PTPRN2: variants seen among roughly 807,000 people sequenced by gnomAD.
PTPRN2 encodes the protein receptor-type tyrosine-protein phosphatase N2.
Under a neutral mutation model 118.8 loss-of-function variants are expected in PTPRN2, and 74 were observed. That is an observed-to-expected ratio of 0.62 (90% CI 0.52 to 0.76). The LOEUF is 0.76. Among genes scored for constraint, PTPRN2 ranks in the 30% least tolerant of loss-of-function variants. The pLI is 0.00. For missense variants in PTPRN2, 1,481 were observed against 1,394.4 expected (o/e 1.06, Z -0.99); for synonymous variants, 641 against 608.0 (o/e 1.05, Z -0.80).
At chr7:158,149,398 C>G (rs992943718) in intron 6 of PTPRN2, among the ~76,000 whole-genome samples, 1 of 151,336 alleles carries the variant, frequency 6.6e-6, no homozygotes, top group Non-Finnish European at 1.5e-5. Context: ...AGTATAAACT[C>G]TTAAAACATA....
chr7:158,501,046 C>T (rs980188358), intron 1 of PTPRN2, among the ~76,000 whole-genome samples: 2 of 152,218 alleles, frequency 1.3e-5, no homozygotes, highest in Non-Finnish European at 2.9e-5. Context: ...GTGTGAGGCT[C>T]GGAGCACTCA....
At chr7:158,255,409 T>G (rs1244314338) in intron 3 of PTPRN2, among the ~76,000 whole-genome samples, 1 of 152,084 alleles carries the variant, frequency 6.6e-6, no homozygotes, top group Non-Finnish European at 1.5e-5. Flanking sequence ...TGCCTTCCTG[T>G]GGGGAACAAG....
intron 12 of PTPRN2, among the ~76,000 whole-genome samples, chr7:157,895,434 G>C (rs1258330543): frequency 6.6e-6 from 1 of 151,670 alleles, no homozygotes; most frequent in Non-Finnish European, 1.5e-5. Flanking sequence ...TAAGCCAGAG[G>C]ATCTGGACGA....
chr7:158,409,375 GACCT>G (rs1466913874), intron 2 of PTPRN2, among the ~76,000 whole-genome samples: 1 of 152,106 alleles, frequency 6.6e-6, no homozygotes, highest in African/African-American at 2.4e-5. Context: ...CTTAGGAGAG[GACCT>G]ACCCAGGCAT....
intron 3 of PTPRN2, among the ~76,000 whole-genome samples, chr7:158,294,507 C>T (rs1800329686): frequency 6.6e-6 from 1 of 152,200 alleles, no homozygotes; most frequent in South Asian, 2.1e-4. Context: ...TTTCTTCCAT[C>T]TACTCATTTG....
intron 3 of PTPRN2, among the ~76,000 whole-genome samples, chr7:158,315,467 T>A (rs2123500): frequency 1.6e-4 from 20 of 123,970 alleles, no homozygotes; most frequent in African/African-American, 5.8e-4. Flanking sequence ...AACCCAGGAC[T>A]CCCTGAAGGA....
chr7:157,901,774 G>A (rs1797460150), intron 11 of PTPRN2, among the ~76,000 whole-genome samples: 2 of 80,448 alleles, frequency 2.5e-5, no homozygotes, highest in South Asian at 6.9e-4. Context: ...GTCCTGAGGC[G>A]GGGCCTTCCC....
chr7:157,842,841 A>C (rs1041297818), intron 12 of PTPRN2, among the ~76,000 whole-genome samples: 11 of 152,332 alleles, frequency 7.2e-5, no homozygotes, highest in African/African-American at 2.6e-4. Flanking sequence ...CTTTCTAACT[A>C]TTCTTGGGAA....
chr7:158,010,377 G>C (rs1425683895), intron 11 of PTPRN2, among the ~76,000 whole-genome samples: 1 of 152,184 alleles, frequency 6.6e-6, no homozygotes, highest in East Asian at 1.9e-4. Flanking sequence ...TTAAAAGTGT[G>C]TTAACAGCAT....
At chr7:157,660,786 G>A (rs1016354179) in intron 13 of PTPRN2, among the ~76,000 whole-genome samples, 5 of 152,130 alleles carry the variant, frequency 3.3e-5, no homozygotes, top group African/African-American at 4.8e-5. Context: ...ACAGAGTCTC[G>A]CTCTGTCGCC....
intron 1 of PTPRN2, among the ~76,000 whole-genome samples, chr7:158,506,435 T>G (rs1822751956): frequency 6.6e-6 from 1 of 152,140 alleles, no homozygotes; most frequent in South Asian, 2.1e-4. Context: ...TGGTGGCAAT[T>G]GTGCAGAGCA....
intron 12 of PTPRN2, among the ~76,000 whole-genome samples, chr7:157,783,003 G>T (rs796124352): frequency 5.9e-5 from 9 of 152,290 alleles, no homozygotes; most frequent in African/African-American, 2.2e-4. Context: ...TGCATCACAG[G>T]GGTGGATACC....
intron 12 of PTPRN2, among the ~76,000 whole-genome samples, chr7:157,878,380 A>T: frequency 1.1e-5 from 1 of 87,896 alleles, no homozygotes; most frequent in South Asian, 3.8e-4. Flanking sequence ...ACTCACCGAG[A>T]AGCTCTCGGA....
chr7:158,521,219 G>A (rs1167774437), intron 1 of PTPRN2, among the ~76,000 whole-genome samples: 8 of 151,906 alleles, frequency 5.3e-5, no homozygotes, highest in East Asian at 1.9e-4. Flanking sequence ...TCTGTTGGTC[G>A]ACTCAGGCAG....
chr7:158,214,981 T>C (rs10246937), intron 3 of PTPRN2, among the ~76,000 whole-genome samples: 39,815 of 151,978 alleles, frequency 0.26, 6,036 homozygotes, highest in African/African-American at 0.41. Context: ...TAACTGGTTA[T>C]ACAAAGAACA....
At chr7:158,114,709 G>A (rs762858113) in intron 9 of PTPRN2, among the ~76,000 whole-genome samples, 2 of 152,156 alleles carry the variant, frequency 1.3e-5, no homozygotes, top group Non-Finnish European at 2.9e-5. Context: ...CACCGGCCAC[G>A]GCCCTGGGGC....
intron 2 of PTPRN2, among the ~76,000 whole-genome samples, chr7:158,431,687 G>C (rs1816202308): frequency 1.4e-5 from 2 of 146,960 alleles, no homozygotes; most frequent in African/African-American, 5.1e-5. Flanking sequence ...GCACATACTG[G>C]CCACACACTG....
intron 2 of PTPRN2, among the ~76,000 whole-genome samples, chr7:158,403,063 G>T (rs544757518): frequency 6.6e-6 from 1 of 152,168 alleles, no homozygotes; most frequent in Non-Finnish European, 1.5e-5. Context: ...TTCCCAGGGG[G>T]TTCATTCTCG....
intron 2 of PTPRN2, among the ~76,000 whole-genome samples, chr7:158,448,422 T>A (rs961963517): frequency 1.3e-5 from 2 of 151,638 alleles, no homozygotes; most frequent in Non-Finnish European, 2.9e-5. Context: ...GTTTCCACAC[T>A]GCTTTCATCA....
Sources: allele counts gnomAD v4.1 joint callset (sites outside exome capture counted in the v4.1 genomes callset), GRCh38; gene constraint gnomAD v4.1.1; transcripts MANE v1.5; gene names NCBI Gene and HGNC (gene_info 2026-07-23, HGNC 2026-07-21).